Variants in HAPLN3 observed in about 807,000 individuals in gnomAD.
HAPLN3 encodes hyaluronan and proteoglycan link protein 3, also known as extracellular link domain containing, 1.
Under a neutral mutation model 28.1 loss-of-function variants are expected in HAPLN3, and 28 were observed. The observed-to-expected ratio is 1.00, with a 90% CI of 0.74 to 1.37. The LOEUF (loss-of-function observed/expected upper bound fraction) is 1.37, where lower values mean the gene tolerates loss of function less well. Ranked by LOEUF, HAPLN3 falls within the 40% of genes most tolerant of loss-of-function variation. The pLI, the probability that HAPLN3 is intolerant of heterozygous loss-of-function variation, is 0.00. For synonymous variants in HAPLN3, 211 were observed against 213.1 expected, an observed-to-expected ratio of 0.99 and a Z score of 0.09; for missense variants, 513 against 504.6, an observed-to-expected ratio of 1.02 and a Z score of -0.16.
chr15:88,887,998 G>T (rs1372303610), intron 1 of HAPLN3, among the ~76,000 whole-genome samples: 2 of 151,830 alleles, frequency 1.3e-5, no homozygotes, highest in Non-Finnish European at 2.9e-5. Flanking sequence ...GAAAAGAAAG[G>T]TATGAGCAGC....
At chr15:88,891,795 G>A (rs1723510565) in intron 1 of HAPLN3, among the ~76,000 whole-genome samples, 1 of 152,174 alleles carries the variant, frequency 6.6e-6, no homozygotes, top group African/African-American at 2.4e-5. Context: ...TGATTGTGTG[G>A]CACACACAGC....
rs74030535 is a variant in HAPLN3, at chr15:88,880,679, A to G, written c.493+678T>C. The G allele has an allele frequency of 0.012, 13,577 of 1,112,050 alleles. 1,043 individuals carry two copies. The African/African-American group carries it at 0.17, about 14-fold the overall frequency. The allele number at this position is 1,112,050 out of a possible 1,614,324, so 68.9% of individuals were successfully genotyped here. A position where few individuals can be genotyped will look rare whatever the true frequency, so the allele number is the denominator to read the frequency against. On this transcript the variant is annotated intron_variant, in intron 3 of 4. Coordinates refer to ENST00000359595, the MANE Select transcript of HAPLN3 (RefSeq NM_178232.4). This position sits in a 1 kb window ranked among gnomAD's most constrained non-coding sequence, Gnocchi z 6.0. ...ACCCCACATACAAGATCCGGCTTGCAGGGTGTGGCTGGTTTGGACAGCACT... is the reference window on the plus strand; with the variant it reads ...ACCCCACATACAAGATCCGGCTTGCGGGGTGTGGCTGGTTTGGACAGCACT...
chr15:88,893,340 C>T (rs1456457723), intron 1 of HAPLN3, among the ~76,000 whole-genome samples: 1 of 151,918 alleles, frequency 6.6e-6, no homozygotes, highest in East Asian at 1.9e-4. Context: ...ATTGTTTGAA[C>T]CCAGGAGGCG....
In HAPLN3 at chr15:88,893,953, G is replaced by A. The variant is rs34394020; in HGVS notation, c.-48+1506C>T. On this transcript the variant is annotated intron_variant, in intron 1 of 4. Transcript: ENST00000359595. ...CAAAAAAAAAAAAAAAGTTGGGGTG[G>A]GGGGGGCGGTCACGACAATACCAAA... Among the ~76,000 whole-genome samples, 25 of 148,720 alleles carry A rather than the reference G, an allele frequency of 1.7e-4. 1 individual carries two copies. The highest frequency in any genetic ancestry group is 4.4e-4 in the South Asian group (2 of 4,578).
At chr15:88,893,564 C>A (rs1359833950) in intron 1 of HAPLN3, among the ~76,000 whole-genome samples, 1 of 152,104 alleles carries the variant, frequency 6.6e-6, no homozygotes, top group Non-Finnish European at 1.5e-5. Flanking sequence ...CTGGCTCCAC[C>A]CACTTACTAA....
intron 1 of HAPLN3, chr15:88,893,036 G>A (rs1244925726): frequency 1.7e-5 from 25 of 1,438,618 alleles, no homozygotes; most frequent in East Asian, 7.4e-5. Flanking sequence ...ACCTGGGCTC[G>A]GTATTGGAGC....
intron 1 of HAPLN3, among the ~76,000 whole-genome samples, chr15:88,890,958 A>T (rs1897996854): frequency 6.6e-6 from 1 of 151,630 alleles, no homozygotes; most frequent in East Asian, 2.0e-4. Context: ...GCTCACTGCA[A>T]CTTCTGCTCC....
chr15:88,885,738 A>T (rs1897835576), intron 2 of HAPLN3, among the ~76,000 whole-genome samples: 1 of 152,104 alleles, frequency 6.6e-6, no homozygotes, highest in African/African-American at 2.4e-5. Context: ...TACAGGTGTG[A>T]GTCACCGCGC....
Position 88,879,785 on chromosome 15 carries a change from T to C in HAPLN3, c.494-516A>G. On this transcript the variant is annotated intron_variant, in intron 3 of 4. Transcript: ENST00000359595. This position sits in a 1 kb window ranked among gnomAD's most constrained non-coding sequence, Gnocchi z 5.0. The stretch of plus-strand genomic sequence containing the variant: ...TGGGGAGAGGGTTGGGGAAGGGCCT[T>C]CCATAAAGGAGGCTCAAGGGCAGGG... The C allele has an allele frequency of 9.0e-7, 1 of 1,110,470 alleles. No individual in the cohort carries two copies. The highest frequency in any genetic ancestry group is 1.1e-6 in the Non-Finnish European group (1 of 903,072). 68.8% of individuals were successfully genotyped at this position (1,110,470 alleles called of 1,614,324 possible).
rs562309797 is a variant in HAPLN3, at chr15:88,880,287, C to T, written c.494-1018G>A. On this transcript the variant is annotated intron_variant, in intron 3 of 4. Transcript: ENST00000359595. The surrounding 1 kb of genome is among the most constrained non-coding windows in gnomAD (Gnocchi z 6.0). ...AGACCAATGACTCTTGCAGGTTCTC[C>T]CCAACTCCACTGCCACCCCAACTTC... is the stretch of plus-strand genomic sequence containing the variant. 201 of 1,061,980 alleles carry T rather than the reference C, an allele frequency of 1.9e-4. 1 individual carries two copies. In the Middle Eastern group the frequency reaches 3.2e-3, roughly 17 times the overall value. The allele number at this position is 1,061,980 out of a possible 1,614,324, so 65.8% of individuals were successfully genotyped here.
rs1466055274 is a variant in HAPLN3 at position 88,878,209 on chromosome 15, C to A, written c.844G>T (p.Ala282Ser). Residue 282 changes from alanine (A) to serine (S), a missense_variant, in exon 5 of 5, where the codon GCA becomes TCA. Coordinates refer to ENST00000359595, the MANE Select transcript of HAPLN3 (RefSeq NM_178232.4). ...EHPEKLTLTE[A>S]REACQEDDAT... ...TCATCTTCCTGGCAGGCCTCCCTTGCCTCTGTCAGCGTCAGCTTCTCAGGG... is the reference window on the plus strand; with the variant it reads ...TCATCTTCCTGGCAGGCCTCCCTTGACTCTGTCAGCGTCAGCTTCTCAGGG... 1.2e-6 allele frequency: 2 copies of A among 1,614,058 alleles called. No individual in the cohort carries two copies. The highest frequency in any genetic ancestry group is 1.1e-5 in the South Asian group (1 of 91,074).
At position 88,887,313 on chromosome 15, in the gene HAPLN3, G is replaced by A. The variant is rs62620238; in HGVS notation, c.-15C>T. ...AACAGGCCCATCTCCTCATGCCAGG[G>A]TGACCCGGGCCAGGCTGGGGCCCCA... On this transcript the variant is annotated 5_prime_UTR_variant, in exon 2 of 5. Transcript: ENST00000359595. The A allele has an allele frequency of 0.042, 67,414 of 1,613,752 alleles. 1,681 individuals carry two copies. Among genetic ancestry groups the A allele is most frequent in the Non-Finnish European group, 0.049 (57,380 of 1,179,736 alleles).
rs954081466 is a variant in HAPLN3, at chr15:88,880,932, G to T, written c.493+425C>A. 6.6e-6 allele frequency among the ~76,000 whole-genome samples: 1 copy of T among 152,156 alleles called. No individual in the cohort carries two copies. The highest frequency in any genetic ancestry group is 1.5e-5 in the Non-Finnish European group (1 of 68,034). On this transcript the variant is annotated intron_variant, in intron 3 of 4. Coordinates refer to ENST00000359595, the MANE Select transcript of HAPLN3 (RefSeq NM_178232.4). This position sits in a 1 kb window ranked among gnomAD's most constrained non-coding sequence, Gnocchi z 6.0. The stretch of plus-strand genomic sequence containing the variant: ...GCACAGGACAAGGGCTCAGGAGTGT[G>T]CCCAGTCCCCACCACTCCCATCGTC...
Position 88,878,263 on chromosome 15 carries a change from G to T in HAPLN3, c.797-7C>A. Reference sequence around the variant, plus strand: ...TCCAGGTAGTACACCCGCCCTGGGGGAAAGGGGGCGTGAGTGCCGTACAGC... The same window carrying T: ...TCCAGGTAGTACACCCGCCCTGGGGTAAAGGGGGCGTGAGTGCCGTACAGC... On this transcript the variant is annotated splice_region_variant and splice_polypyrimidine_tract_variant and intron_variant, in intron 4 of 4. Coordinates refer to ENST00000359595, the MANE Select transcript of HAPLN3 (RefSeq NM_178232.4). The T allele has an allele frequency of 6.2e-7, 1 of 1,606,868 alleles. No individual in the cohort carries two copies. The highest frequency in any genetic ancestry group is 8.5e-7 in the Non-Finnish European group (1 of 1,175,914).
chr15:88,880,224 A>AG lies in HAPLN3; in HGVS notation c.494-956dup, dbSNP rs1158369897. The AG allele has an allele frequency of 5.0e-6, 5 of 998,596 alleles. No homozygotes were observed. Among genetic ancestry groups the AG allele is most frequent in the Non-Finnish European group, 6.0e-6 (5 of 838,326 alleles). 61.9% of individuals were successfully genotyped at this position (998,596 alleles called of 1,614,324 possible). ...CCCTTGAAGCCCCGGGAATGGGGTG[A>AG]GGGCTCCCTGTTTCTCTAGGCTGCC... On this transcript the variant is annotated intron_variant, in intron 3 of 4. Coordinates refer to ENST00000359595, the MANE Select transcript of HAPLN3 (RefSeq NM_178232.4). The surrounding 1 kb of genome is among the most constrained non-coding windows in gnomAD (Gnocchi z 6.0).
At chr15:88,884,022 T>C (rs1222338504) in intron 2 of HAPLN3, among the ~76,000 whole-genome samples, 3 of 148,508 alleles carry the variant, frequency 2.0e-5, no homozygotes, top group Non-Finnish European at 4.5e-5. Context: ...GAAGTTGCAG[T>C]GAGCCGAGAT....
rs1897672216 is a variant in HAPLN3, at chr15:88,880,677, G to C, written c.493+680C>G. 9.0e-7 allele frequency: 1 copy of C among 1,110,050 alleles called. No individual in the cohort carries two copies. 68.8% of individuals were successfully genotyped at this position (1,110,050 alleles called of 1,614,324 possible). On this transcript the variant is annotated intron_variant, in intron 3 of 4. Transcript: ENST00000359595. The surrounding 1 kb of genome is among the most constrained non-coding windows in gnomAD (Gnocchi z 6.0). Reference sequence around the variant, plus strand: ...GGACCCCACATACAAGATCCGGCTTGCAGGGTGTGGCTGGTTTGGACAGCA... The same window carrying C: ...GGACCCCACATACAAGATCCGGCTTCCAGGGTGTGGCTGGTTTGGACAGCA...
In HAPLN3 at chr15:88,880,615, A is replaced by T. The variant is rs1330033465; in HGVS notation, c.493+742T>A. 4.7e-6 allele frequency: 6 copies of T among 1,288,194 alleles called. No individual in the cohort carries two copies. Among genetic ancestry groups the T allele is most frequent in the Non-Finnish European group, 6.1e-6 (6 of 988,064 alleles). The allele number at this position is 1,288,194 out of a possible 1,614,324, so 79.8% of individuals were successfully genotyped here. On this transcript the variant is annotated intron_variant, in intron 3 of 4. Transcript: ENST00000359595. This position sits in a 1 kb window ranked among gnomAD's most constrained non-coding sequence, Gnocchi z 6.0. The stretch of plus-strand genomic sequence containing the variant: ...GTGAGGACACACAGCCCCATCCTAG[A>T]GACAGAGAAGGTAAATACAAATTAA...
At chr15:88,886,347 T>C (rs1897853660) in intron 2 of HAPLN3, among the ~76,000 whole-genome samples, 1 of 130,904 alleles carries the variant, frequency 7.6e-6, no homozygotes, top group South Asian at 2.4e-4. Context: ...TGAGACTCCA[T>C]CTTAAAAAAA....
Sources: allele counts gnomAD v4.1 joint callset (sites outside exome capture counted in the v4.1 genomes callset), GRCh38; gene constraint gnomAD v4.1.1; non-coding constraint Gnocchi (gnomAD v3.1); transcripts MANE v1.5; gene names NCBI Gene and HGNC (gene_info 2026-07-23, HGNC 2026-07-21).